SLC2A13: variants seen among roughly 807,000 people sequenced by gnomAD.
The protein encoded by SLC2A13 is solute carrier family 2 member 13.
SLC2A13 carries 32 observed loss-of-function variants against 64.4 expected under a neutral mutation model. The observed-to-expected ratio is 0.50, with a 90% CI of 0.37 to 0.67. SLC2A13 has a LOEUF of 0.67. Ranked by LOEUF, SLC2A13 falls within the 30% of genes least tolerant of loss-of-function variation. SLC2A13 has a pLI of 0.00. For missense variants in SLC2A13, 743 were observed against 829.2 expected (o/e 0.90, Z 1.28); for synonymous variants, 338 against 327.1 (o/e 1.03, Z -0.36).
chr12:39,824,016 C>G (rs1942597778), intron 7 of SLC2A13, among the ~76,000 whole-genome samples: 1 of 152,072 alleles, frequency 6.6e-6, no homozygotes, highest in Admixed American at 6.6e-5. Flanking sequence ...TCATTTATAA[C>G]TGTGATAATT....
At chr12:39,899,965 A>C (rs1945040128) in intron 4 of SLC2A13, among the ~76,000 whole-genome samples, 1 of 152,148 alleles carries the variant, frequency 6.6e-6, no homozygotes, top group Admixed American at 6.6e-5. Flanking sequence ...AACCGAATCC[A>C]GCAGCACATC....
intron 7 of SLC2A13, among the ~76,000 whole-genome samples, chr12:39,810,120 C>T (rs1361171019): frequency 6.6e-6 from 1 of 152,162 alleles, no homozygotes; most frequent in Non-Finnish European, 1.5e-5. Flanking sequence ...TACAGTCCCA[C>T]CAACAATGTA....
Position 39,760,259 on chromosome 12 carries a change from C to G in SLC2A13, c.1721-7G>C. 6.2e-7 allele frequency: 1 copy of G among 1,603,850 alleles called. No individual in the cohort carries two copies. Among genetic ancestry groups the G allele is most frequent in the Non-Finnish European group, 8.5e-7 (1 of 1,173,044 alleles). ...GCATAGAGGAAGAAAGCTCCTGCAA[C>G]GGAATATAATAGATACATGAATATG... On this transcript the variant is annotated splice_polypyrimidine_tract_variant and splice_region_variant and intron_variant, in intron 9 of 9. Coordinates refer to ENST00000280871, the MANE Select transcript of SLC2A13 (RefSeq NM_052885.4).
At chr12:39,889,311 A>G (rs1489885091) in intron 4 of SLC2A13, among the ~76,000 whole-genome samples, 1 of 151,990 alleles carries the variant, frequency 6.6e-6, no homozygotes, top group Non-Finnish European at 1.5e-5. Context: ...TTATTACTTT[A>G]TTCTTTCAGG....
At chr12:39,797,674 C>T (rs1383494648) in intron 7 of SLC2A13, among the ~76,000 whole-genome samples, 1 of 151,302 alleles carries the variant, frequency 6.6e-6, no homozygotes, top group Non-Finnish European at 1.5e-5. Context: ...TGCAAGTGTG[C>T]TTTCAAATAA....
chr12:39,838,400 G>A (rs1320737913), intron 6 of SLC2A13, among the ~76,000 whole-genome samples: 311 of 145,802 alleles, frequency 2.1e-3, no homozygotes, highest in African/African-American at 7.6e-3. Context: ...TAGATGACGA[G>A]TTAGTGGGTG....
chr12:39,894,702 T>G (rs1156814148), intron 4 of SLC2A13, among the ~76,000 whole-genome samples: 1 of 152,216 alleles, frequency 6.6e-6, no homozygotes, highest in Non-Finnish European at 1.5e-5. Context: ...TGATCAATCA[T>G]TAAGTTCAAA....
At chr12:39,934,110 T>TA (rs1211345716) in intron 4 of SLC2A13, among the ~76,000 whole-genome samples, 1 of 152,162 alleles carries the variant, frequency 6.6e-6, no homozygotes, top group Non-Finnish European at 1.5e-5. Context: ...TGTTAGTTGA[T>TA]AAAAAGGGAT....
At chr12:40,035,976 A>G (rs1223128784) in intron 2 of SLC2A13, among the ~76,000 whole-genome samples, 1 of 152,214 alleles carries the variant, frequency 6.6e-6, no homozygotes. Context: ...ACTGTTGCTG[A>G]AAATAATGTA....
intron 3 of SLC2A13, among the ~76,000 whole-genome samples, chr12:39,987,878 T>C (rs1179452262): frequency 6.6e-6 from 1 of 152,234 alleles, no homozygotes; most frequent in East Asian, 1.9e-4. Context: ...TGAAATATTT[T>C]TCTTACTGTA....
At chr12:40,037,626 G>A (rs1175241811) in intron 2 of SLC2A13, among the ~76,000 whole-genome samples, 2 of 120,016 alleles carry the variant, frequency 1.7e-5, no homozygotes, top group African/African-American at 7.2e-5. Context: ...TGGCACTCAG[G>A]TCTCAAAAAA....
chr12:39,947,415 T>C (rs928320083), intron 4 of SLC2A13, among the ~76,000 whole-genome samples: 1 of 152,164 alleles, frequency 6.6e-6, no homozygotes, highest in Admixed American at 6.6e-5. Context: ...CAAAATATAG[T>C]TTACTTCAAG....
chr12:39,919,344 A>G (rs886207063), intron 4 of SLC2A13, among the ~76,000 whole-genome samples: 4 of 152,166 alleles, frequency 2.6e-5, no homozygotes, highest in Admixed American at 1.3e-4. Context: ...GTATCTCAAT[A>G]TTGAAAAGAT....
intron 2 of SLC2A13, among the ~76,000 whole-genome samples, chr12:40,040,282 G>C (rs1948062512): frequency 6.6e-6 from 1 of 152,214 alleles, no homozygotes; most frequent in South Asian, 2.1e-4. Flanking sequence ...TTAGAGCTTA[G>C]ATAAATTAAT....
At chr12:39,763,542 T>C (rs1017368707) in intron 9 of SLC2A13, among the ~76,000 whole-genome samples, 7 of 152,062 alleles carry the variant, frequency 4.6e-5, no homozygotes, top group Admixed American at 2.6e-4. Context: ...CAGGGATTTA[T>C]AGTCTACTAG....
chr12:39,812,880 G>A (rs1458422476), intron 7 of SLC2A13, among the ~76,000 whole-genome samples: 2 of 148,308 alleles, frequency 1.3e-5, no homozygotes, highest in Non-Finnish European at 3.0e-5. Context: ...TGTCACCCAG[G>A]CTGGAGTGTA....
At chr12:40,100,291 A>C (rs551982923) in intron 1 of SLC2A13, among the ~76,000 whole-genome samples, 34 of 152,294 alleles carry the variant, frequency 2.2e-4, no homozygotes, top group South Asian at 4.1e-4. Context: ...ATTCTCAGGA[A>C]AGGTTTTGAA....
intron 1 of SLC2A13, among the ~76,000 whole-genome samples, chr12:40,081,504 T>C (rs898030269): frequency 3.3e-5 from 5 of 152,234 alleles, no homozygotes; most frequent in Non-Finnish European, 7.3e-5. Flanking sequence ...GACTGTATTA[T>C]GAAATTCTTG....
At chr12:40,065,211 A>T (rs1020848413) in intron 1 of SLC2A13, among the ~76,000 whole-genome samples, 1 of 152,112 alleles carries the variant, frequency 6.6e-6, no homozygotes, top group African/African-American at 2.4e-5. Flanking sequence ...AGTACACAAT[A>T]ATTATGGATT....
Sources: allele counts gnomAD v4.1 joint callset (sites outside exome capture counted in the v4.1 genomes callset), GRCh38; gene constraint gnomAD v4.1.1; transcripts MANE v1.5; gene names NCBI Gene and HGNC (gene_info 2026-07-23, HGNC 2026-07-21).